DRC7: variants seen among roughly 807,000 people sequenced by gnomAD.
DRC7 encodes the protein coiled-coil domain containing 135.
A neutral mutation model predicts 104.4 loss-of-function variants in DRC7; 80 were observed. The ratio of observed to expected loss-of-function variants is 0.77; its 90% confidence interval spans 0.64 to 0.92. DRC7 has a LOEUF of 0.92. Among genes scored for constraint, DRC7 ranks in the 40% least tolerant of loss-of-function variants. DRC7 has a pLI of 0.00. For missense variants in DRC7, 1,034 were observed against 1,141.1 expected, an observed-to-expected ratio of 0.91 and a Z score of 1.35; for synonymous variants, 405 against 447.3, an observed-to-expected ratio of 0.91 and a Z score of 1.19.
chr16:57,729,652 T>G (rs889733791), intron 17 of DRC7, among the ~76,000 whole-genome samples: 48 of 18,064 alleles, frequency 2.7e-3, no homozygotes, highest in Non-Finnish European at 3.2e-3. Flanking sequence ...ATGGGGTGGG[T>G]GGGTGGATGG....
intron 8 of DRC7, among the ~76,000 whole-genome samples, chr16:57,710,078 G>T (rs1354853582): frequency 6.6e-6 from 1 of 152,116 alleles, no homozygotes; most frequent in Non-Finnish European, 1.5e-5. Flanking sequence ...AGAAGATTGT[G>T]GTTGAGATTA....
At chr16:57,728,723 C>A in intron 17 of DRC7, 139 bp downstream of exon 17, 1 of 516,824 alleles carries the variant, frequency 1.9e-6, no homozygotes, top group Non-Finnish European at 3.1e-6. Flanking sequence ...TTGGGGTTTC[C>A]AAATGACTGA....
rs550125566 is a variant in DRC7 at position 57,722,086 on chromosome 16, C to T, written c.1279+347C>T. ...GGCCATGGGCAGTGCCCAGATGGTG[C>T]GGGGGGTCTCAGGACCGGAGAGGGG... On this transcript the variant is annotated intron_variant, in intron 10 of 18. Coordinates refer to ENST00000360716, the MANE Select transcript of DRC7 (RefSeq NM_001289162.2). Among the ~76,000 whole-genome samples, 199 of 152,306 alleles carry T rather than the reference C, an allele frequency of 1.3e-3. 1 individual carries two copies. The South Asian group carries it at 0.021, about 16-fold the overall frequency.
At position 57,730,923 on chromosome 16, in the gene DRC7, G is replaced by A. The variant is rs1567891835; in HGVS notation, c.2392-8G>A. The A allele has an allele frequency of 1.9e-6, 3 of 1,612,878 alleles. No individual in the cohort carries two copies. The highest frequency in any genetic ancestry group is 2.5e-6 in the Non-Finnish European group (3 of 1,179,734). On this transcript the variant is annotated splice_polypyrimidine_tract_variant and splice_region_variant and intron_variant, in intron 17 of 18. Coordinates refer to ENST00000360716, the MANE Select transcript of DRC7 (RefSeq NM_001289162.2). ...AGTCCTCCTTCTCTGTCTGCCCTAT[G>A]ACCACAGGAGACCCAGGAGCTGCAA...
At chr16:57,718,795 C>G (rs2048872740) in intron 9 of DRC7, among the ~76,000 whole-genome samples, 1 of 152,078 alleles carries the variant, frequency 6.6e-6, no homozygotes, top group South Asian at 2.1e-4. Context: ...CCTTGCCAGC[C>G]TGGGCAACAT....
Position 57,728,447 on chromosome 16 carries a change from G to GCCCTATTCCTGGCCCAGCTCCCGC in DRC7, c.2257_2258insTATTCCTGGCCCAGCTCCCGCCCC (p.Ala752_Pro753insLeuPheLeuAlaGlnLeuProPro), listed in dbSNP as rs2048998199. ...GGTGGAGACCCAGCTGGACTACCTG[G>GCCCTATTCCTGGCCCAGCTCCCGC]CCCCATTCCTGGCCCAGCTCCCGCC... is the stretch of plus-strand genomic sequence containing the variant. On this transcript the variant is annotated inframe_insertion, in exon 17 of 19. Transcript: ENST00000360716. 2 of 1,611,828 alleles carry GCCCTATTCCTGGCCCAGCTCCCGC rather than the reference G, an allele frequency of 1.2e-6. No homozygotes were observed. The highest frequency in any genetic ancestry group is 1.7e-6 in the Non-Finnish European group (2 of 1,179,578).
intron 2 of DRC7, among the ~76,000 whole-genome samples, chr16:57,697,289 C>T (rs1217245509): frequency 3.3e-5 from 5 of 152,018 alleles, no homozygotes; most frequent in African/African-American, 1.2e-4. Flanking sequence ...TCATTGATAA[C>T]TGTCAGCTGG....
intron 7 of DRC7, among the ~76,000 whole-genome samples, chr16:57,706,655 C>T (rs1213938589): frequency 1.1e-5 from 1 of 92,198 alleles, no homozygotes; most frequent in African/African-American, 3.8e-5. Flanking sequence ...CCCATCCATC[C>T]TCTCACCATC....
At chr16:57,727,500 AC>A in intron 16 of DRC7, 91 bp downstream of exon 16, 1 of 897,726 alleles carries the variant, frequency 1.1e-6, no homozygotes, top group Non-Finnish European at 1.8e-6. Flanking sequence ...CTGCTGAGAA[AC>A]CCTCTGTGGG....
At chr16:57,710,020 C>T (rs2048777027) in intron 8 of DRC7, among the ~76,000 whole-genome samples, 2 of 152,124 alleles carry the variant, frequency 1.3e-5, no homozygotes, top group Admixed American at 1.3e-4. Flanking sequence ...CCTTGGCCTC[C>T]AAAAGTGCTG....
chr16:57,726,491 G>A (rs1442352286), intron 14 of DRC7: 2 of 591,248 alleles, frequency 3.4e-6, no homozygotes, highest in African/African-American at 3.7e-5. Flanking sequence ...CACCAAAAAA[G>A]CGAACTCAGC....
In DRC7 at chr16:57,731,180, C is replaced by T; in HGVS notation, c.2547C>T (p.Ala849=). ...CTGACTTCAGACACAAGGAACTGGC[C>T]CCACTGAAGTACCTGGCTCTGGAGG... ...EQRLNRHKEL[A]PLKYLALEEK... is the part of the protein sequence containing the mutation. Residue 849 remains alanine (A), a synonymous_variant, in exon 19 of 19, where the codon GCC becomes GCT. Coordinates refer to ENST00000360716, the MANE Select transcript of DRC7 (RefSeq NM_001289162.2). 4 of 1,613,892 alleles carry T rather than the reference C, an allele frequency of 2.5e-6. No homozygotes were observed. The highest frequency in any genetic ancestry group is 4.5e-5 in the East Asian group (2 of 44,888).
At chr16:57,719,003 A>G (rs2048875308) in intron 9 of DRC7, among the ~76,000 whole-genome samples, 1 of 151,782 alleles carries the variant, frequency 6.6e-6, no homozygotes, top group African/African-American at 2.4e-5. Context: ...AAATAAAAAT[A>G]AATTTAGAAA....
chr16:57,717,932 A>T (rs1479688606), intron 8 of DRC7, among the ~76,000 whole-genome samples: 4 of 152,124 alleles, frequency 2.6e-5, no homozygotes, highest in African/African-American at 7.2e-5. Context: ...AAGCCTTTTT[A>T]AAAAACCTTC....
intron 3 of DRC7, 45 bp downstream of exon 3, chr16:57,698,197 T>A (rs1381190462): frequency 6.8e-6 from 11 of 1,612,058 alleles, no homozygotes; most frequent in Non-Finnish European, 9.3e-6. Context: ...AGACCGGGGC[T>A]GGGCACAGGG....
At chr16:57,715,174 A>G (rs1413875351) in intron 8 of DRC7, among the ~76,000 whole-genome samples, 1 of 152,132 alleles carries the variant, frequency 6.6e-6, no homozygotes, top group African/African-American at 2.4e-5. Context: ...CAGCCTCCTG[A>G]GTAGCTGGGA....
chr16:57,728,102 G>A (rs571042249), intron 16 of DRC7, among the ~76,000 whole-genome samples: 84 of 152,270 alleles, frequency 5.5e-4, no homozygotes, highest in Non-Finnish European at 1.1e-3. Context: ...GCATCAGGCT[G>A]CGTGCTTTAC....
intron 8 of DRC7, among the ~76,000 whole-genome samples, chr16:57,709,182 A>G (rs2048766378): frequency 6.6e-6 from 1 of 151,540 alleles, no homozygotes; most frequent in Non-Finnish European, 1.5e-5. Context: ...ATATCCAGTA[A>G]GTTTTAAACC....
At chr16:57,718,231 C>A (rs1387720635) in intron 8 of DRC7, 116 bp from the exon 9 acceptor site, 2 of 1,344,274 alleles carry the variant, frequency 1.5e-6, no homozygotes, top group Non-Finnish European at 2.0e-6. Context: ...CTTCCCCAAG[C>A]CCTGGGCCCA....
Sources: allele counts gnomAD v4.1 joint callset (sites outside exome capture counted in the v4.1 genomes callset), GRCh38; gene constraint gnomAD v4.1.1; transcripts MANE v1.5; gene names NCBI Gene and HGNC (gene_info 2026-07-23, HGNC 2026-07-21).